The following LARS2 variants were observed in gnomAD, a reference collection of about 807,000 sequenced individuals.
The protein encoded by LARS2 is leucine--tRNA ligase, mitochondrial.
LARS2 carries 81 observed loss-of-function variants against 116.6 expected under a neutral mutation model. That is an observed-to-expected ratio of 0.69 (90% CI 0.58 to 0.84). The LOEUF is 0.84. LARS2 is among the 40% of genes least tolerant of loss of function. The pLI, the probability that LARS2 is intolerant of heterozygous loss-of-function variation, is 0.00. For synonymous variants in LARS2, 396 were observed against 407.2 expected (o/e 0.97, Z 0.33); for missense variants, 968 against 1,114.5 (o/e 0.87, Z 1.87).
intron 7 of LARS2, 50 bp downstream of exon 7, chr3:45,447,030 T>C (rs766649701): frequency 5.2e-5 from 57 of 1,102,544 alleles, no homozygotes; most frequent in Non-Finnish European, 7.7e-5. Context: ...CTCTTTAGGA[T>C]ACATCATTGT....
chr3:45,488,868 C>A (rs1699864237), intron 12 of LARS2, 56 bp downstream of exon 12: 2 of 1,124,760 alleles, frequency 1.8e-6, no homozygotes, highest in South Asian at 1.2e-5. Flanking sequence ...CTTTGATAGA[C>A]ATTTTCCTTC....
intron 3 of LARS2, among the ~76,000 whole-genome samples, chr3:45,398,068 CA>C: frequency 6.6e-6 from 1 of 152,284 alleles, no homozygotes; most frequent in South Asian, 2.1e-4. Flanking sequence ...TCAGCAGTTC[CA>C]GATGATTTTC....
chr3:45,488,080 T>C (rs1460525430), intron 11 of LARS2, among the ~76,000 whole-genome samples: 1 of 152,114 alleles, frequency 6.6e-6, no homozygotes, highest in Non-Finnish European at 1.5e-5. Flanking sequence ...CCACAAATGC[T>C]TATAATTTTT....
At chr3:45,398,208 G>A (rs1360454210) in intron 3 of LARS2, among the ~76,000 whole-genome samples, 1 of 152,180 alleles carries the variant, frequency 6.6e-6, no homozygotes, top group Non-Finnish European at 1.5e-5. Context: ...TAGTTTTTGT[G>A]GGTTTCTTTT....
chr3:45,390,399 G>T (rs1367725503), intron 1 of LARS2, among the ~76,000 whole-genome samples: 1 of 151,638 alleles, frequency 6.6e-6, no homozygotes, highest in African/African-American at 2.4e-5. Context: ...TGCAAGCTCC[G>T]CCTCCTGGGT....
intron 6 of LARS2, among the ~76,000 whole-genome samples, chr3:45,432,432 A>G (rs1175409458): frequency 6.6e-6 from 1 of 152,152 alleles, no homozygotes; most frequent in Non-Finnish European, 1.5e-5. Context: ...ATTTTAAAAG[A>G]TATATAAAGC....
chr3:45,492,192 A>G (rs1699931156), intron 13 of LARS2, among the ~76,000 whole-genome samples: 1 of 152,220 alleles, frequency 6.6e-6, no homozygotes, highest in Admixed American at 6.5e-5. Flanking sequence ...CAGTTTTCCA[A>G]TATAGTGACT....
intron 20 of LARS2, among the ~76,000 whole-genome samples, chr3:45,527,054 A>G (rs369310418): frequency 2.0e-4 from 31 of 152,314 alleles, no homozygotes; most frequent in African/African-American, 7.2e-4. Flanking sequence ...CAAAGGTTCC[A>G]GTCAAAGGTA....
intron 4 of LARS2, among the ~76,000 whole-genome samples, chr3:45,401,840 C>A (rs1453530323): frequency 6.6e-6 from 1 of 151,954 alleles, no homozygotes; most frequent in East Asian, 1.9e-4. Context: ...TGTCTTGAAC[C>A]CCTGGGCTCA....
intron 7 of LARS2, among the ~76,000 whole-genome samples, chr3:45,449,187 A>G (rs1699072940): frequency 7.3e-6 from 1 of 137,888 alleles, no homozygotes; most frequent in African/African-American, 2.8e-5. Context: ...TTTGAGACAG[A>G]GTCTTGCTCT....
intron 21 of LARS2, among the ~76,000 whole-genome samples, chr3:45,545,463 C>T (rs376972008): frequency 3.3e-5 from 5 of 152,210 alleles, no homozygotes; most frequent in Admixed American, 2.0e-4. Flanking sequence ...AGCTCAGGCT[C>T]AGTGTTGAGT....
At chr3:45,439,622 C>CT (rs1698871712) in intron 6 of LARS2, among the ~76,000 whole-genome samples, 1 of 109,286 alleles carries the variant, frequency 9.2e-6, no homozygotes, top group South Asian at 3.4e-4. Context: ...TTATTTCTAA[C>CT]TGTTTTTTTT....
intron 21 of LARS2, 40 bp downstream of exon 21, chr3:45,541,996 G>T: frequency 6.2e-7 from 1 of 1,610,096 alleles, no homozygotes; most frequent in Non-Finnish European, 8.5e-7. Flanking sequence ...AGCAGTCCCT[G>T]CCCTGCTGGT....
intron 10 of LARS2, among the ~76,000 whole-genome samples, chr3:45,484,640 T>TATATAC (rs1699770112): frequency 2.4e-5 from 2 of 83,056 alleles, no homozygotes; most frequent in Admixed American, 1.6e-4. Flanking sequence ...AATATATATA[T>TATATAC]ATATATATTT....
At chr3:45,405,118 T>C (rs1173788836) in intron 4 of LARS2, among the ~76,000 whole-genome samples, 1 of 142,532 alleles carries the variant, frequency 7.0e-6, no homozygotes, top group East Asian at 1.9e-4. Context: ...CAAGTTTTTT[T>C]TTTTTCTTTT....
chr3:45,540,801 T>C (rs993096038), intron 20 of LARS2, among the ~76,000 whole-genome samples: 2 of 145,854 alleles, frequency 1.4e-5, no homozygotes, highest in African/African-American at 5.1e-5. Flanking sequence ...TCTATCTATC[T>C]ATGAGACAGG....
chr3:45,507,461 T>C (rs570063848), intron 15 of LARS2, among the ~76,000 whole-genome samples: 1 of 152,186 alleles, frequency 6.6e-6, no homozygotes, highest in East Asian at 1.9e-4. Context: ...CCTAAGGAAA[T>C]AATCAGAAAT....
chr3:45,412,179 C>G (rs1698341801), intron 4 of LARS2, among the ~76,000 whole-genome samples: 1 of 152,028 alleles, frequency 6.6e-6, no homozygotes, highest in East Asian at 1.9e-4. Context: ...TATGACAGAA[C>G]AATTTATAAT....
intron 7 of LARS2, among the ~76,000 whole-genome samples, chr3:45,456,443 C>T (rs1156356840): frequency 2.0e-5 from 3 of 152,038 alleles, no homozygotes; most frequent in Admixed American, 6.6e-5. Flanking sequence ...ATTAGCTGGG[C>T]GTGGTGGTGG....
Sources: gnomAD v4.1 joint callset for allele counts (sites outside exome capture counted in the v4.1 genomes callset) on GRCh38, gnomAD v4.1.1 for gene constraint, MANE v1.5 for transcripts, NCBI Gene and HGNC (gene_info 2026-07-23, HGNC 2026-07-21) for gene names.